GRIK4: variants seen among roughly 807,000 people sequenced by gnomAD.
GRIK4 encodes glutamate ionotropic receptor kainate type subunit 4.
In GRIK4, 40 loss-of-function variants were observed where a neutral mutation model predicts 104.9. The observed-to-expected ratio is 0.38, with a 90% CI of 0.30 to 0.50. The LOEUF (loss-of-function observed/expected upper bound fraction) is 0.50, where lower values mean the gene tolerates loss of function less well. Among genes scored for constraint, GRIK4 ranks in the 20% least tolerant of loss-of-function variants. The pLI is 0.93. For synonymous variants in GRIK4, 485 were observed against 524.9 expected (o/e 0.92, Z 1.04); for missense variants, 1,047 against 1,308.1 (o/e 0.80, Z 3.08).
intron 3 of GRIK4, among the ~76,000 whole-genome samples, chr11:120,753,200 G>A (rs998022977): frequency 2.6e-5 from 4 of 152,326 alleles, no homozygotes; most frequent in Admixed American, 6.5e-5. Context: ...AGGTGAATTG[G>A]AAGAATTTGG....
At chr11:120,556,976 G>A (rs1948193745) in intron 1 of GRIK4, among the ~76,000 whole-genome samples, 4 of 151,940 alleles carry the variant, frequency 2.6e-5, no homozygotes, top group Admixed American at 2.6e-4. Context: ...CCCTTTCTTG[G>A]TGTGAGTTAA....
At chr11:120,589,803 T>C (rs1263465106) in intron 1 of GRIK4, among the ~76,000 whole-genome samples, 1 of 152,192 alleles carries the variant, frequency 6.6e-6, no homozygotes, top group Non-Finnish European at 1.5e-5. Context: ...TAAAAGGTAT[T>C]GATAGCCAAA....
chr11:120,970,772 C>A (rs1944461734), intron 19 of GRIK4, among the ~76,000 whole-genome samples: 2 of 152,152 alleles, frequency 1.3e-5, no homozygotes, highest in African/African-American at 2.4e-5. Flanking sequence ...CCCTCCCCAC[C>A]TACCTCTTAA....
intron 1 of GRIK4, among the ~76,000 whole-genome samples, chr11:120,536,315 CCT>C (rs1273939927): frequency 2.0e-5 from 3 of 152,198 alleles, no homozygotes; most frequent in Non-Finnish European, 4.4e-5. Context: ...GCCCAAACCA[CCT>C]CTTTTTCTCT....
chr11:120,848,810 C>A (rs548969529), intron 8 of GRIK4, among the ~76,000 whole-genome samples: 2 of 152,218 alleles, frequency 1.3e-5, no homozygotes, highest in African/African-American at 2.4e-5. Flanking sequence ...GAGGAGCCAG[C>A]CCCTGGGCCT....
chr11:120,892,846 T>C (rs1381158590), intron 11 of GRIK4, among the ~76,000 whole-genome samples: 1 of 152,044 alleles, frequency 6.6e-6, no homozygotes, highest in Non-Finnish European at 1.5e-5. Context: ...TTGTCTAGGC[T>C]CTCCTTAAAA....
intron 13 of GRIK4, among the ~76,000 whole-genome samples, chr11:120,913,392 A>G (rs902130691): frequency 4.0e-5 from 6 of 151,790 alleles, no homozygotes; most frequent in Non-Finnish European, 7.4e-5. Context: ...CAGACAGATG[A>G]CTTCCAAGGC....
intron 1 of GRIK4, among the ~76,000 whole-genome samples, chr11:120,574,268 C>T (rs1003900809): frequency 3.3e-5 from 5 of 152,152 alleles, no homozygotes; most frequent in African/African-American, 4.8e-5. Context: ...ACGATCACGT[C>T]GCTGGGCTGG....
intron 1 of GRIK4, among the ~76,000 whole-genome samples, chr11:120,557,737 C>T (rs1948200821): frequency 6.6e-6 from 1 of 152,168 alleles, no homozygotes; most frequent in African/African-American, 2.4e-5. Flanking sequence ...AGTAATCGGG[C>T]CGGGCGCGGT....
At chr11:120,923,103 TG>T (rs1943258525) in intron 13 of GRIK4, among the ~76,000 whole-genome samples, 1 of 152,108 alleles carries the variant, frequency 6.6e-6, no homozygotes, top group Admixed American at 6.5e-5. Context: ...TGGCAAACAG[TG>T]GGACACAGGT....
At chr11:120,889,604 T>TC (rs949001072) in intron 11 of GRIK4, among the ~76,000 whole-genome samples, 14 of 138,056 alleles carry the variant, frequency 1.0e-4, no homozygotes, top group Non-Finnish European at 1.6e-4. Flanking sequence ...TTTTTTTTTT[T>TC]TTTTTTTTTT....
chr11:120,590,267 A>G (rs1438606590), intron 1 of GRIK4, among the ~76,000 whole-genome samples: 1 of 152,040 alleles, frequency 6.6e-6, no homozygotes, highest in Non-Finnish European at 1.5e-5. Flanking sequence ...GCTTCCTCTC[A>G]TCTGGCCCCA....
intron 8 of GRIK4, among the ~76,000 whole-genome samples, chr11:120,837,907 G>A (rs1953616161): frequency 6.6e-6 from 1 of 152,118 alleles, no homozygotes; most frequent in South Asian, 2.1e-4. Flanking sequence ...GGAAAAGGCA[G>A]GCCAGTGCCA....
At chr11:120,614,097 C>G (rs1358353137) in intron 1 of GRIK4, among the ~76,000 whole-genome samples, 1 of 152,188 alleles carries the variant, frequency 6.6e-6, no homozygotes. Flanking sequence ...TGAACCTTCC[C>G]TGCAGGCAGT....
intron 1 of GRIK4, among the ~76,000 whole-genome samples, chr11:120,582,289 C>T (rs531189611): frequency 2.2e-4 from 33 of 148,842 alleles, no homozygotes; most frequent in Non-Finnish European, 4.3e-4. Flanking sequence ...ATACATTATA[C>T]GTATGTATAT....
At chr11:120,598,681 A>G (rs1487028977) in intron 1 of GRIK4, among the ~76,000 whole-genome samples, 1 of 152,218 alleles carries the variant, frequency 6.6e-6, no homozygotes, top group African/African-American at 2.4e-5. Flanking sequence ...GGCAAGGACC[A>G]CATGGCCTCT....
chr11:120,652,795 T>G (rs976556816), intron 1 of GRIK4, among the ~76,000 whole-genome samples: 5 of 152,256 alleles, frequency 3.3e-5, no homozygotes, highest in African/African-American at 1.2e-4. Flanking sequence ...AATGATGTAG[T>G]AGCCCTGTGA....
intron 2 of GRIK4, among the ~76,000 whole-genome samples, chr11:120,655,314 C>T (rs1415815163): frequency 6.6e-6 from 1 of 151,798 alleles, no homozygotes; most frequent in African/African-American, 2.4e-5. Flanking sequence ...GAAGCACATG[C>T]AGGGGGCAGA....
chr11:120,960,937 TCCTACACGG>T lies in GRIK4; in HGVS notation c.1906_1914del (p.Tyr636_Ala638del). The stretch of plus-strand genomic sequence containing the variant: ...GGCATTCACGCTGATCATCATCTCA[TCCTACACGG>T]CCAACCTGGCAGCCTTCCTGACCGT... On this transcript the variant is annotated inframe_deletion, in exon 17 of 21. Transcript: ENST00000527524. The T allele has an allele frequency of 1.2e-6, 2 of 1,613,940 alleles. No individual in the cohort carries two copies. Among genetic ancestry groups the T allele is most frequent in the Non-Finnish European group, 1.7e-6 (2 of 1,179,980 alleles).
Sources: gnomAD v4.1 joint callset for allele counts (sites outside exome capture counted in the v4.1 genomes callset) on GRCh38, gnomAD v4.1.1 for gene constraint, MANE v1.5 for transcripts, NCBI Gene and HGNC (gene_info 2026-07-23, HGNC 2026-07-21) for gene names.